Variants in EYS observed in about 807,000 individuals in gnomAD.
The protein encoded by EYS is protein eyes shut homolog.
In EYS, 250 loss-of-function variants were observed where a neutral mutation model predicts 282.1. The observed-to-expected ratio is 0.89, with a 90% CI of 0.80 to 0.98. The LOEUF is 0.98. Among genes scored for constraint, EYS ranks in the 50% least tolerant of loss-of-function variants. EYS has a pLI of 0.00. For missense variants in EYS, 4,016 were observed against 3,709.0 expected (o/e 1.08, Z -2.15); for synonymous variants, 1,355 against 1,282.9 (o/e 1.06, Z -1.20).
intron 4 of EYS, among the ~76,000 whole-genome samples, chr6:65,491,078 A>G (rs922668863): frequency 1.3e-5 from 2 of 152,122 alleles, no homozygotes; most frequent in African/African-American, 4.8e-5. Context: ...ACAAAATGAC[A>G]CATTCAAATG....
At chr6:63,923,728 C>T (rs1425425041) in intron 35 of EYS, among the ~76,000 whole-genome samples, 2 of 152,152 alleles carry the variant, frequency 1.3e-5, no homozygotes, top group East Asian at 3.9e-4. Context: ...TGTCCTCCTC[C>T]TTCTCTCCCC....
At chr6:65,335,607 C>G (rs1468392698) in intron 10 of EYS, among the ~76,000 whole-genome samples, 1 of 151,608 alleles carries the variant, frequency 6.6e-6, no homozygotes, top group Non-Finnish European at 1.5e-5. Flanking sequence ...AAAGCTAAAG[C>G]CCTGCTTCAA....
chr6:65,643,968 G>A (rs1004256642), intron 1 of EYS, among the ~76,000 whole-genome samples: 1 of 151,976 alleles, frequency 6.6e-6, no homozygotes, highest in South Asian at 2.1e-4. Flanking sequence ...TCTACCCAAT[G>A]AGAAGAAAAC....
chr6:63,840,395 C>T (rs1306774212), intron 36 of EYS, among the ~76,000 whole-genome samples: 2 of 151,778 alleles, frequency 1.3e-5, no homozygotes, highest in Non-Finnish European at 2.9e-5. Context: ...GTTTGTTTTG[C>T]TATTGAGTTG....
At chr6:65,176,319 T>C (rs992952439) in intron 12 of EYS, among the ~76,000 whole-genome samples, 1 of 151,606 alleles carries the variant, frequency 6.6e-6, no homozygotes, top group Admixed American at 6.6e-5. Context: ...AAATGTATAC[T>C]TAAAACCAAC....
chr6:64,473,494 T>C (rs755263088), intron 26 of EYS, among the ~76,000 whole-genome samples: 8 of 152,164 alleles, frequency 5.3e-5, no homozygotes, highest in Non-Finnish European at 8.8e-5. Flanking sequence ...TAATATGACC[T>C]TTCTGGATTT....
intron 12 of EYS, among the ~76,000 whole-genome samples, chr6:65,153,363 A>ATG (rs67661407): frequency 0.027 from 3,607 of 135,796 alleles, 82 homozygotes; most frequent in African/African-American, 0.06. Context: ...GAGATCATAA[A>ATG]TGTGTGTGTG....
At chr6:63,817,664 C>A (rs1436232347) in intron 36 of EYS, among the ~76,000 whole-genome samples, 2 of 152,218 alleles carry the variant, frequency 1.3e-5, no homozygotes, top group Non-Finnish European at 2.9e-5. Flanking sequence ...AGCCCTGGGG[C>A]TAAACTCCAG....
chr6:65,134,908 G>A (rs1775980686), intron 12 of EYS, among the ~76,000 whole-genome samples: 1 of 152,032 alleles, frequency 6.6e-6, no homozygotes, highest in African/African-American at 2.4e-5. Flanking sequence ...TCTTGCAACT[G>A]TCCAGACCTA....
rs550066741 is a variant in EYS, at chr6:63,957,595, G to A, written c.7055+26788C>T. ...CCTGCTATGCTGAAAGCTATTTCTC[G>A]TATTCAGTGAATTAAATTCTTTATT... On this transcript the variant is annotated intron_variant, in intron 35 of 42. Transcript: ENST00000503581. Among the ~76,000 whole-genome samples the A allele has an allele frequency of 4.8e-4, 67 of 141,046 alleles. 3 individuals carry two copies. Among genetic ancestry groups the A allele is most frequent in the African/African-American group, 1.4e-3 (59 of 41,126 alleles). 92.5% of individuals were successfully genotyped at this position (141,046 alleles called of 152,430 possible). A position where few individuals can be genotyped will look rare whatever the true frequency, so the allele number is the denominator to read the frequency against.
intron 22 of EYS, among the ~76,000 whole-genome samples, chr6:64,659,287 A>C (rs956335760): frequency 2.0e-5 from 3 of 152,226 alleles, no homozygotes; most frequent in Admixed American, 1.3e-4. Context: ...AAAGCAGGAA[A>C]GATTTAAAAT....
intron 28 of EYS, among the ~76,000 whole-genome samples, chr6:64,422,876 T>G (rs1425598286): frequency 3.9e-5 from 6 of 151,948 alleles, no homozygotes; most frequent in Non-Finnish European, 4.4e-5. Flanking sequence ...ATAATGTGCA[T>G]AATAAATAGT....
intron 12 of EYS, among the ~76,000 whole-genome samples, chr6:65,068,445 C>T (rs1292146516): frequency 2.0e-5 from 3 of 152,050 alleles, no homozygotes; most frequent in Admixed American, 2.0e-4. Flanking sequence ...TTTACTTTGA[C>T]CTTCAGGCCT....
At chr6:65,543,513 C>A (rs1481886628) in intron 2 of EYS, among the ~76,000 whole-genome samples, 1 of 148,802 alleles carries the variant, frequency 6.7e-6, no homozygotes, top group Non-Finnish European at 1.5e-5. Flanking sequence ...ATATTATAGT[C>A]CCAATAGTTT....
chr6:64,086,335 T>A (rs1206456781), intron 31 of EYS, among the ~76,000 whole-genome samples: 2 of 152,200 alleles, frequency 1.3e-5, no homozygotes, highest in African/African-American at 4.8e-5. Flanking sequence ...CTTTCTAACT[T>A]GCTTTCCTTC....
intron 31 of EYS, among the ~76,000 whole-genome samples, chr6:64,226,605 A>T (rs145854863): frequency 5.5e-4 from 84 of 152,254 alleles, no homozygotes; most frequent in African/African-American, 1.9e-3. Context: ...ACAAAGCAAG[A>T]ATATATGCTC....
intron 2 of EYS, among the ~76,000 whole-genome samples, chr6:65,566,008 T>C (rs1769267728): frequency 6.6e-6 from 1 of 151,854 alleles, no homozygotes; most frequent in African/African-American, 2.4e-5. Context: ...GATGATGGGT[T>C]GATGGGTACA....
At chr6:64,496,766 G>A (rs181200058) in intron 26 of EYS, among the ~76,000 whole-genome samples, 19 of 151,700 alleles carry the variant, frequency 1.3e-4, no homozygotes, top group Admixed American at 8.5e-4. Context: ...TAAACTTTGC[G>A]GATGCTAATC....
At chr6:65,647,934 G>A (rs768333413) in intron 1 of EYS, among the ~76,000 whole-genome samples, 16 of 152,026 alleles carry the variant, frequency 1.1e-4, no homozygotes, top group South Asian at 4.2e-4. Context: ...AGAACAATGC[G>A]TAACATCACT....
Sources: gnomAD v4.1 joint callset for allele counts (sites outside exome capture counted in the v4.1 genomes callset) on GRCh38, gnomAD v4.1.1 for gene constraint, MANE v1.5 for transcripts, NCBI Gene and HGNC (gene_info 2026-07-23, HGNC 2026-07-21) for gene names.